Variants in TRAP1 observed in about 807,000 individuals in gnomAD.
TRAP1 encodes TNF receptor associated protein 1, also known as heat shock protein 75 kDa, mitochondrial.
TRAP1 carries 102 observed loss-of-function variants against 89.1 expected under a neutral mutation model. The ratio of observed to expected loss-of-function variants is 1.15; its 90% CI spans 0.98 to 1.35. The LOEUF is 1.35. Among genes scored for constraint, TRAP1 ranks in the 40% most tolerant of loss-of-function variants. The pLI, the probability that TRAP1 is intolerant of heterozygous loss-of-function variation, is 0.00. For missense variants in TRAP1, 1,256 were observed against 945.3 expected, an observed-to-expected ratio of 1.33 and a Z score of -4.31; for synonymous variants, 508 against 388.0, an observed-to-expected ratio of 1.31 and a Z score of -3.64.
chr16:3,688,450 A>G (rs2051167335), intron 3 of TRAP1, among the ~76,000 whole-genome samples: 2 of 152,074 alleles, frequency 1.3e-5, no homozygotes, highest in African/African-American at 4.8e-5. Flanking sequence ...AGCTCCACAG[A>G]GACGGAATTC....
chr16:3,700,601 G>C (rs1301444126), intron 1 of TRAP1, among the ~76,000 whole-genome samples: 1 of 151,946 alleles, frequency 6.6e-6, no homozygotes, highest in Non-Finnish European at 1.5e-5. Flanking sequence ...GAGTAGCTGG[G>C]ACTACAGATG....
At chr16:3,680,538 C>T (rs1207722606) in intron 4 of TRAP1, among the ~76,000 whole-genome samples, 2 of 152,250 alleles carry the variant, frequency 1.3e-5, no homozygotes, top group African/African-American at 4.8e-5. Context: ...CTGCACGCGG[C>T]ACCTACTCCC....
In TRAP1 at chr16:3,662,054, G is replaced by A. The variant is rs2043109661; in HGVS notation, c.1873C>T (p.Gln625Ter). ...MGAARHFLRM[Q>*]QLAKTQEERA... The stretch of plus-strand genomic sequence containing the variant: ...TCCTCCTGGGTCTTGGCCAGCTGCT[G>A]CATGCGCAGGAAGTGGCGGGCAGCC... Residue 625 changes from glutamine to a stop codon, truncating the protein, a stop_gained, in exon 16 of 18, where the codon CAG (glutamine) becomes TAG (stop). Coordinates refer to ENST00000246957, the MANE Select transcript of TRAP1 (RefSeq NM_016292.3). LOFTEE classifies it high-confidence loss of function. 9 of 1,613,476 alleles carry A rather than the reference G, an allele frequency of 5.6e-6. No homozygotes were observed. The highest frequency in any genetic ancestry group is 1.7e-4 in the Middle Eastern group (1 of 6,058).
At chr16:3,661,849 A>C (rs1283179086) in intron 16 of TRAP1, 138 bp downstream of exon 16, 4 of 1,185,484 alleles carry the variant, frequency 3.4e-6, no homozygotes, top group Non-Finnish European at 4.5e-6. Flanking sequence ...CCTAAACTGC[A>C]TACAGCTCCT....
intron 16 of TRAP1, chr16:3,659,168 AAG>A (rs1307845205): frequency 6.7e-6 from 2 of 297,122 alleles, no homozygotes; most frequent in Non-Finnish European, 1.3e-5. Flanking sequence ...TAAATAATAA[AAG>A]AGAAGGGAGT....
chr16:3,670,344 C>T (rs181395629), intron 11 of TRAP1, among the ~76,000 whole-genome samples: 9 of 133,536 alleles, frequency 6.7e-5, no homozygotes, highest in Non-Finnish European at 4.6e-5. Context: ...GACTGCGCCA[C>T]TGCACTCCAG....
intron 17 of TRAP1, 84 bp from the exon 18 acceptor site, chr16:3,658,314 G>A: frequency 8.7e-7 from 1 of 1,144,502 alleles, no homozygotes; most frequent in Non-Finnish European, 1.3e-6. Flanking sequence ...TCTCACTGTT[G>A]CCGAGGCTGG....
intron 1 of TRAP1, among the ~76,000 whole-genome samples, chr16:3,691,517 A>G (rs2051214339): frequency 6.6e-6 from 1 of 152,200 alleles, no homozygotes; most frequent in South Asian, 2.1e-4. Flanking sequence ...CACCATGCCC[A>G]GCTGGCAGAT....
intron 3 of TRAP1, 101 bp from the exon 4 acceptor site, chr16:3,686,237 G>C (rs2051137146): frequency 7.4e-7 from 1 of 1,355,824 alleles, no homozygotes; most frequent in Admixed American, 2.0e-5. Flanking sequence ...AGGTAGAGGA[G>C]AATAGTCAAT....
chr16:3,714,797 A>G (rs181434160), intron 1 of TRAP1, among the ~76,000 whole-genome samples: 10 of 152,208 alleles, frequency 6.6e-5, no homozygotes, highest in African/African-American at 1.2e-4. Flanking sequence ...TTCCACAGAC[A>G]TAAGACACGC....
rs192307605 is a variant in TRAP1, at chr16:3,665,880, G to A, written c.1383+91C>T. 1,041 of 1,490,690 alleles carry A rather than the reference G, an allele frequency of 7.0e-4. 9 individuals are homozygous for A. The African/African-American group carries it at 0.013, about 19-fold the overall frequency. 92.3% of individuals were successfully genotyped at this position (1,490,690 alleles called of 1,614,324 possible). ...AGCAGCCAGGGTACCCAGCTGCACC[G>A]TCGCCACATCAGGGGACACCTCCAC... On this transcript the variant is annotated intron_variant, in intron 12 of 17. Coordinates refer to ENST00000246957, the MANE Select transcript of TRAP1 (RefSeq NM_016292.3).
intron 8 of TRAP1, 108 bp from the exon 9 acceptor site, chr16:3,674,602 G>C (rs1296444823): frequency 2.9e-6 from 4 of 1,385,036 alleles, no homozygotes; most frequent in Non-Finnish European, 3.9e-6. Context: ...AGGCTCCTGG[G>C]ACAGACGGGC....
intron 15 of TRAP1, 104 bp from the exon 16 acceptor site, chr16:3,662,236 C>A (rs888114118): frequency 1.4e-6 from 2 of 1,439,452 alleles, no homozygotes; most frequent in Non-Finnish European, 1.9e-6. Context: ...AGGTAGCAGG[C>A]GGGGTCTCAA....
intron 1 of TRAP1, among the ~76,000 whole-genome samples, chr16:3,696,819 C>T (rs985952804): frequency 2.6e-5 from 4 of 152,092 alleles, no homozygotes; most frequent in African/African-American, 9.6e-5. Flanking sequence ...CTCAACCCTC[C>T]GGATTCAAGT....
At position 3,674,644 on chromosome 16, in the gene TRAP1, C is replaced by A. The variant is rs368420498; in HGVS notation, c.889-150G>T. On this transcript the variant is annotated intron_variant, in intron 8 of 17. Transcript: ENST00000246957. ...CTCAGGCGTAGACCCCTCTCCAGCC[C>A]CACCGCTGGGCTATGCCGGGTAGTG... is the stretch of plus-strand genomic sequence containing the variant. 59 of 921,132 alleles carry A rather than the reference C, an allele frequency of 6.4e-5. No individual in the cohort carries two copies. The South Asian group carries it at 7.4e-4, about 12-fold the overall frequency. The allele number at this position is 921,132 out of a possible 1,614,324, so 57.1% of individuals were successfully genotyped here.
intron 1 of TRAP1, among the ~76,000 whole-genome samples, chr16:3,701,900 C>T (rs946946086): frequency 6.6e-6 from 1 of 152,136 alleles, no homozygotes; most frequent in African/African-American, 2.4e-5. Context: ...TTATTCAAAA[C>T]AGATATTAAA....
rs2043112125 is a variant in TRAP1 at position 3,662,079 on chromosome 16, C to T, written c.1848G>A (p.Gly616=). Residue 616 remains glycine, a synonymous_variant, in exon 16 of 18, where the codon GGG becomes GGA. Coordinates refer to ENST00000246957, the MANE Select transcript of TRAP1 (RefSeq NM_016292.3). ...GCATGCGCAGGAAGTGGCGGGCAGC[C>T]CCCATCTCCAGCACGGTGACCATGG... ...HPAMVTVLEM[G]AARHFLRMQQ... 1.2e-6 allele frequency: 2 copies of T among 1,613,268 alleles called. No homozygotes were observed.
chr16:3,686,866 G>A (rs1317054841), intron 3 of TRAP1: 1 of 152,160 alleles, frequency 6.6e-6, no homozygotes, highest in Non-Finnish European at 1.5e-5. Flanking sequence ...AGCTACTCAG[G>A]AGGCTGAGGC....
chr16:3,715,394 C>T (rs1567250406), intron 1 of TRAP1, among the ~76,000 whole-genome samples: 1 of 151,576 alleles, frequency 6.6e-6, no homozygotes, highest in Admixed American at 6.6e-5. Context: ...GCCAAGATCG[C>T]GCCACTGCAC....
Sources: allele counts gnomAD v4.1 joint callset (sites outside exome capture counted in the v4.1 genomes callset), GRCh38; gene constraint gnomAD v4.1.1; transcripts MANE v1.5; gene names NCBI Gene and HGNC (gene_info 2026-07-23, HGNC 2026-07-21).